The following DSCAM variants were observed in gnomAD, a reference collection of about 807,000 sequenced individuals.
The protein encoded by DSCAM is cell adhesion molecule DSCAM.
A neutral mutation model predicts 217.7 loss-of-function variants in DSCAM; 47 were observed. The ratio of observed to expected loss-of-function variants is 0.22; its 90% CI spans 0.17 to 0.28. The LOEUF (loss-of-function observed/expected upper bound fraction) is 0.28. DSCAM is among the 10% of genes least tolerant of loss of function. The pLI is 1.00. For missense variants in DSCAM, 2,080 were observed against 2,618.3 expected, an observed-to-expected ratio of 0.79 and a Z score of 4.49; for synonymous variants, 1,056 against 1,015.3, an observed-to-expected ratio of 1.04 and a Z score of -0.76.
chr21:40,367,152 T>G (rs1356955780), intron 4 of DSCAM, among the ~76,000 whole-genome samples: 1 of 152,190 alleles, frequency 6.6e-6, no homozygotes, highest in African/African-American at 2.4e-5. Flanking sequence ...ATCTCCAACC[T>G]AGACCTCATG....
At chr21:40,193,709 T>C (rs1389295901) in intron 11 of DSCAM, among the ~76,000 whole-genome samples, 2 of 152,202 alleles carry the variant, frequency 1.3e-5, no homozygotes, top group African/African-American at 4.8e-5. Flanking sequence ...AAGGCTATGG[T>C]CAGGATTTCC....
chr21:40,688,231 T>C (rs1338833348), intron 3 of DSCAM, among the ~76,000 whole-genome samples: 1 of 152,184 alleles, frequency 6.6e-6, no homozygotes, highest in Admixed American at 6.5e-5. Flanking sequence ...GGCTGTGTCT[T>C]TGATGTTAAT....
chr21:40,232,375 G>C (rs1345322086), intron 11 of DSCAM, among the ~76,000 whole-genome samples: 3 of 152,150 alleles, frequency 2.0e-5, no homozygotes, highest in African/African-American at 7.2e-5. Flanking sequence ...ACGGAGCATG[G>C]GGTATGATAG....
chr21:40,831,464 C>A (rs79947955), intron 1 of DSCAM, among the ~76,000 whole-genome samples: 4,958 of 152,294 alleles, frequency 0.033, 242 homozygotes, highest in Admixed American at 0.11. Context: ...AAGATTCAGA[C>A]GCTTACTAAC....
chr21:40,533,549 CCATCCATT>C (rs1305077640), intron 3 of DSCAM, among the ~76,000 whole-genome samples: 32 of 122,328 alleles, frequency 2.6e-4, no homozygotes, highest in East Asian at 7.0e-4. Context: ...ATCCATTCAT[CCATCCATT>C]CATCCATCCA....
chr21:40,066,416 C>A (rs1276840412), intron 27 of DSCAM, among the ~76,000 whole-genome samples: 1 of 152,226 alleles, frequency 6.6e-6, no homozygotes, highest in Non-Finnish European at 1.5e-5. Context: ...GTTACATTCT[C>A]TAATTTTCTC....
At chr21:40,649,668 G>A (rs2089990576) in intron 3 of DSCAM, among the ~76,000 whole-genome samples, 1 of 152,072 alleles carries the variant, frequency 6.6e-6, no homozygotes, top group Admixed American at 6.5e-5. Flanking sequence ...TCACATTAGG[G>A]GAGGTCTCAG....
At chr21:40,530,892 T>C (rs112735248) in intron 3 of DSCAM, among the ~76,000 whole-genome samples, 1 of 81,298 alleles carries the variant, frequency 1.2e-5, no homozygotes, top group African/African-American at 1.0e-4. Context: ...CATCCATCCA[T>C]CCATCCATCC....
chr21:40,070,984 C>A (rs928928679), intron 27 of DSCAM, among the ~76,000 whole-genome samples: 58 of 152,220 alleles, frequency 3.8e-4, no homozygotes, highest in African/African-American at 1.2e-3. Context: ...ACATCACTCA[C>A]TGATTTTTAT....
chr21:40,269,273 C>A (rs1490077624), intron 11 of DSCAM, among the ~76,000 whole-genome samples: 1 of 152,138 alleles, frequency 6.6e-6, no homozygotes, highest in Non-Finnish European at 1.5e-5. Context: ...TTTGCAGAGT[C>A]CCGTATTAAG....
intron 3 of DSCAM, among the ~76,000 whole-genome samples, chr21:40,580,175 G>A (rs1328463890): frequency 6.6e-6 from 1 of 150,826 alleles, no homozygotes; most frequent in Admixed American, 6.6e-5. Flanking sequence ...TCTGCCTCCC[G>A]AGTTCAAGCC....
rs1390685679 is a variant in DSCAM, at chr21:40,044,074, C to G, written c.5383+4G>C. ...GGGACGGAGGAGGCAGCGTCAGGGC[C>G]TACCTGTGTCTTGCGAGGGGCTGAC... On this transcript the variant is annotated splice_donor_region_variant and intron_variant, in intron 31 of 32. Transcript: ENST00000400454. The G allele has an allele frequency of 6.2e-7, 1 of 1,613,232 alleles. No homozygotes were observed. Among genetic ancestry groups the G allele is most frequent in the Admixed American group, 1.7e-5 (1 of 60,026 alleles).
At chr21:40,697,094 A>C (rs1051012378) in intron 2 of DSCAM, among the ~76,000 whole-genome samples, 5 of 152,168 alleles carry the variant, frequency 3.3e-5, no homozygotes, top group South Asian at 2.1e-4. Context: ...TCTGGTATCC[A>C]CCATTCCACT....
chr21:40,372,881 AAAAT>A (rs2074912507), intron 3 of DSCAM, among the ~76,000 whole-genome samples: 1 of 152,244 alleles, frequency 6.6e-6, no homozygotes, highest in African/African-American at 2.4e-5. Flanking sequence ...TAGTGCCACT[AAAAT>A]AAATCCAGCG....
At chr21:40,126,084 A>C (rs2090090185) in intron 19 of DSCAM, among the ~76,000 whole-genome samples, 1 of 152,180 alleles carries the variant, frequency 6.6e-6, no homozygotes, top group African/African-American at 2.4e-5. Context: ...TAAGTTAATT[A>C]ATTACGTAAA....
intron 10 of DSCAM, among the ~76,000 whole-genome samples, chr21:40,285,409 T>C (rs990263227): frequency 1.3e-5 from 2 of 152,134 alleles, no homozygotes; most frequent in Non-Finnish European, 2.9e-5. Flanking sequence ...AAGAGCAAGA[T>C]GGGCCCCAGG....
chr21:40,665,798 G>A (rs2090192759), intron 3 of DSCAM, among the ~76,000 whole-genome samples: 1 of 152,154 alleles, frequency 6.6e-6, no homozygotes, highest in Non-Finnish European at 1.5e-5. Flanking sequence ...GTGAATGAAT[G>A]CTCACAGACA....
intron 10 of DSCAM, among the ~76,000 whole-genome samples, chr21:40,295,510 A>G (rs1317385727): frequency 6.6e-6 from 1 of 152,180 alleles, no homozygotes; most frequent in African/African-American, 2.4e-5. Context: ...GGAACATGAG[A>G]CAATCGCAAT....
In DSCAM at chr21:40,301,612, A is replaced by G. The variant is rs73227032; in HGVS notation, c.2063-5438T>C. Among the ~76,000 whole-genome samples the G allele has an allele frequency of 3.9e-3, 455 of 116,624 alleles. 31 individuals are homozygous for G. Among genetic ancestry groups the G allele is most frequent in the African/African-American group, 0.016 (312 of 19,434 alleles). The allele number at this position is 116,624 out of a possible 152,430, so 76.5% of individuals were successfully genotyped here. ...ACTTACCATAGCCTTTATTACGCTC[A>G]TCTGGTATTGCTGTTTAACAGTCTG... is the stretch of plus-strand genomic sequence containing the variant. On this transcript the variant is annotated intron_variant, in intron 9 of 32. Transcript: ENST00000400454.
Sources: gnomAD v4.1 joint callset for allele counts (sites outside exome capture counted in the v4.1 genomes callset) on GRCh38, gnomAD v4.1.1 for gene constraint, MANE v1.5 for transcripts, NCBI Gene and HGNC (gene_info 2026-07-23, HGNC 2026-07-21) for gene names.